Variants in MACROD2 observed in about 807,000 individuals in gnomAD.
MACROD2 encodes the protein mono-ADP ribosylhydrolase 2, also known as ADP-ribose glycohydrolase MACROD2.
MACROD2 carries 36 observed loss-of-function variants against 70.4 expected under a neutral mutation model. The ratio of observed to expected loss-of-function variants is 0.51; its 90% CI spans 0.39 to 0.68. The LOEUF is 0.68. Ranked by LOEUF, MACROD2 falls within the 30% of genes least tolerant of loss-of-function variation. The pLI is 0.00. For synonymous variants in MACROD2, 172 were observed against 178.8 expected (o/e 0.96, Z 0.30); for missense variants, 496 against 538.4 (o/e 0.92, Z 0.78).
chr20:15,523,153 A>G (rs1337225977), intron 8 of MACROD2, among the ~76,000 whole-genome samples: 2 of 152,224 alleles, frequency 1.3e-5, no homozygotes, highest in Admixed American at 1.3e-4. Context: ...CACCCTTTAA[A>G]GAGATTCTAC....
intron 3 of MACROD2, among the ~76,000 whole-genome samples, chr20:14,288,758 A>G (rs1216775473): frequency 2.0e-5 from 3 of 152,222 alleles, no homozygotes; most frequent in Non-Finnish European, 2.9e-5. Context: ...TAAACCAACC[A>G]GGACATTCTG....
chr20:14,489,657 A>G (rs1414735980), intron 3 of MACROD2, among the ~76,000 whole-genome samples: 1 of 152,190 alleles, frequency 6.6e-6, no homozygotes, highest in Admixed American at 6.5e-5. Flanking sequence ...GATGAAAACA[A>G]GTATAATTTC....
intron 5 of MACROD2, among the ~76,000 whole-genome samples, chr20:15,196,551 T>G (rs2076607888): frequency 6.6e-6 from 1 of 152,200 alleles, no homozygotes; most frequent in African/African-American, 2.4e-5. Context: ...TTTACATCTC[T>G]ACTGGACAAA....
At chr20:14,323,288 C>T (rs1366883912) in intron 3 of MACROD2, 4 of 152,074 alleles carry the variant, frequency 2.6e-5, no homozygotes, top group African/African-American at 9.7e-5. Context: ...TACAACAGCT[C>T]ACAAAATGCA....
chr20:14,943,102 T>A (rs893199229), intron 5 of MACROD2, among the ~76,000 whole-genome samples: 1 of 152,198 alleles, frequency 6.6e-6, no homozygotes, highest in Non-Finnish European at 1.5e-5. Context: ...ATCACTGATA[T>A]TCTGAACTGA....
At chr20:14,398,018 C>A (rs1420381986) in intron 3 of MACROD2, among the ~76,000 whole-genome samples, 3 of 152,160 alleles carry the variant, frequency 2.0e-5, no homozygotes, top group Middle Eastern at 3.4e-3. Flanking sequence ...TTTCACTTAA[C>A]ATAATGGCCT....
intron 10 of MACROD2, among the ~76,000 whole-genome samples, chr20:15,907,588 CT>C (rs1315413333): frequency 6.6e-6 from 1 of 152,116 alleles, no homozygotes; most frequent in South Asian, 2.1e-4. Context: ...GTTTATGCAC[CT>C]TTTTTTGTTC....
intron 5 of MACROD2, among the ~76,000 whole-genome samples, chr20:14,742,059 A>G (rs932255633): frequency 4.6e-5 from 7 of 152,194 alleles, no homozygotes; most frequent in Non-Finnish European, 5.9e-5. Context: ...TTAGCCCACT[A>G]TTAAGTCTGT....
intron 6 of MACROD2, among the ~76,000 whole-genome samples, chr20:15,284,676 G>A (rs914574303): frequency 6.6e-6 from 1 of 152,094 alleles, no homozygotes; most frequent in African/African-American, 2.4e-5. Context: ...AGAAAATTTT[G>A]CGAGTTGCCT....
intron 8 of MACROD2, among the ~76,000 whole-genome samples, chr20:15,591,507 A>G (rs467023): frequency 0.74 from 111,294 of 149,992 alleles, 41,627 homozygotes; most frequent in South Asian, 0.84. Flanking sequence ...AATCATAGAC[A>G]CGTTGCTGCT....
Position 14,291,648 on chromosome 20 carries a change from G to A in MACROD2, c.272-201831G>A, listed in dbSNP as rs1051836171. Among the ~76,000 whole-genome samples, 4 of 151,888 alleles carry A rather than the reference G, an allele frequency of 2.6e-5. 1 individual carries two copies. The highest frequency in any genetic ancestry group is 9.7e-5 in the African/African-American group (4 of 41,218). On this transcript the variant is annotated intron_variant, in intron 3 of 17. Transcript: ENST00000684519. ...AAATCTTGAAGGGCAGAAAGTAGTA[G>A]CAGTAGTGAGCTGCCACCTTTATAT...
chr20:15,500,931 A>G (rs943558495), intron 8 of MACROD2, among the ~76,000 whole-genome samples: 15 of 152,236 alleles, frequency 9.9e-5, no homozygotes, highest in Non-Finnish European at 1.3e-4. Context: ...AGAAAAACAA[A>G]TAGCTAAAAT....
At chr20:16,028,469 A>C (rs1230175876) in intron 15 of MACROD2, among the ~76,000 whole-genome samples, 1 of 151,840 alleles carries the variant, frequency 6.6e-6, no homozygotes, top group Non-Finnish European at 1.5e-5. Context: ...AGCATTTCCA[A>C]ACCATTCTCA....
At chr20:15,872,311 T>A (rs2064597538) in intron 9 of MACROD2, among the ~76,000 whole-genome samples, 1 of 152,186 alleles carries the variant, frequency 6.6e-6, no homozygotes, top group East Asian at 1.9e-4. Context: ...TTTTCTTTCC[T>A]CTTGCTATGT....
At chr20:15,131,386 TATAAAG>T (rs1486190560) in intron 5 of MACROD2, among the ~76,000 whole-genome samples, 1 of 151,992 alleles carries the variant, frequency 6.6e-6, no homozygotes, top group African/African-American at 2.4e-5. Flanking sequence ...ACCAAATTAA[TATAAAG>T]ATGAAATTTT....
chr20:15,793,095 TGTG>T (rs1325297306), intron 8 of MACROD2, among the ~76,000 whole-genome samples: 3 of 148,724 alleles, frequency 2.0e-5, no homozygotes, highest in Non-Finnish European at 3.0e-5. Context: ...CTGTGTATAA[TGTG>T]GTTCATTTTG....
At chr20:14,503,708 TCA>T (rs2084939816) in intron 4 of MACROD2, among the ~76,000 whole-genome samples, 1 of 152,176 alleles carries the variant, frequency 6.6e-6, no homozygotes, top group South Asian at 2.1e-4. Flanking sequence ...CACAAAGCCC[TCA>T]CTAGGCTAAA....
chr20:14,380,219 T>G (rs1393253134), intron 3 of MACROD2, among the ~76,000 whole-genome samples: 2 of 152,180 alleles, frequency 1.3e-5, no homozygotes, highest in Non-Finnish European at 2.9e-5. Flanking sequence ...GAGCATCATT[T>G]CATGTGCTTA....
At chr20:15,228,107 T>C (rs1365622495) in intron 5 of MACROD2, among the ~76,000 whole-genome samples, 1 of 152,168 alleles carries the variant, frequency 6.6e-6, no homozygotes, top group African/African-American at 2.4e-5. Context: ...ATATTTACTA[T>C]GGTACAGGAC....
Sources: gnomAD v4.1 joint callset for allele counts (sites outside exome capture counted in the v4.1 genomes callset) on GRCh38, gnomAD v4.1.1 for gene constraint, MANE v1.5 for transcripts, NCBI Gene and HGNC (gene_info 2026-07-23, HGNC 2026-07-21) for gene names.